MCM5: variants seen among roughly 807,000 people sequenced by gnomAD.
MCM5 encodes DNA replication licensing factor MCM5.
MCM5 carries 46 observed loss-of-function variants against 79.9 expected under a neutral mutation model. The observed-to-expected ratio is 0.58, with a 90% CI of 0.45 to 0.74. The LOEUF is 0.74. MCM5 is among the 30% of genes least tolerant of loss of function. The pLI, the probability that MCM5 is intolerant of heterozygous loss-of-function variation, is 0.00. For missense variants in MCM5, 883 were observed against 1,017.0 expected, an observed-to-expected ratio of 0.87 and a Z score of 1.79; for synonymous variants, 404 against 390.5, an observed-to-expected ratio of 1.03 and a Z score of -0.41.
At chr22:35,431,781 T>C in the MCM5 span, among the ~76,000 whole-genome samples, 2 of 152,036 alleles carry the variant, frequency 1.3e-5, no homozygotes, top group Non-Finnish European at 2.9e-5. Context: ...TCCTTTAGAG[T>C]TGAAGGGGCT....
chr22:35,444,278 G>C, the MCM5 span, among the ~76,000 whole-genome samples: 1 of 151,810 alleles, frequency 6.6e-6, no homozygotes, highest in South Asian at 2.1e-4. Flanking sequence ...GGTGGAGAGA[G>C]GGGGGCTTGA....
In MCM5 at chr22:35,420,094, G is replaced by A. The variant is rs1932657371; in HGVS notation, c.1832+82G>A. 1.0e-5 allele frequency: 15 copies of A among 1,492,430 alleles called. No individual in the cohort carries two copies. The South Asian group carries it at 2.0e-4, about 20-fold the overall frequency. 92.4% of individuals were successfully genotyped at this position (1,492,430 alleles called of 1,614,324 possible). ...GTGTGCTTGGCAACCAGGGGCAGTG[G>A]TCCAGGCTTTTCACTTGGCACAGGC... On this transcript the variant is annotated intron_variant, in intron 14 of 16. Transcript: ENST00000216122.
chr22:35,449,979 C>T, the MCM5 span, among the ~76,000 whole-genome samples: 3 of 152,068 alleles, frequency 2.0e-5, no homozygotes, highest in Non-Finnish European at 4.4e-5. Flanking sequence ...AGATGGGGTC[C>T]TGCTATGTTG....
intron 4 of MCM5, among the ~76,000 whole-genome samples, chr22:35,406,294 CCA>C: frequency 1.4e-5 from 1 of 69,110 alleles, no homozygotes; most frequent in Non-Finnish European, 3.0e-5. Context: ...TCTTGCCCTG[CCA>C]CCTCCCCCCC....
the MCM5 span, among the ~76,000 whole-genome samples, chr22:35,442,380 C>G: frequency 6.6e-6 from 1 of 151,858 alleles, no homozygotes; most frequent in Non-Finnish European, 1.5e-5. Flanking sequence ...ACATCACAAA[C>G]TCAGTGGCTT....
At chr22:35,415,055 T>C (rs1208502691) in intron 9 of MCM5, among the ~76,000 whole-genome samples, 1 of 152,080 alleles carries the variant, frequency 6.6e-6, no homozygotes, top group African/African-American at 2.4e-5. Context: ...TCAGATTGTC[T>C]AACAGCCACA....
the MCM5 span, among the ~76,000 whole-genome samples, chr22:35,452,395 C>T: frequency 1.3e-5 from 2 of 152,212 alleles, no homozygotes; most frequent in Admixed American, 6.5e-5. Context: ...GGCTCCACGC[C>T]ACAGGGACTC....
At chr22:35,421,495 C>T (rs746130631) in intron 15 of MCM5, 35 bp downstream of exon 15, 2 of 1,613,468 alleles carry the variant, frequency 1.2e-6, no homozygotes, top group Non-Finnish European at 1.7e-6. Context: ...CTCAATTGAT[C>T]TGGGTTCCCT....
intron 16 of MCM5, 127 bp downstream of exon 16, chr22:35,423,468 T>C: frequency 9.4e-7 from 1 of 1,067,052 alleles, no homozygotes; most frequent in Admixed American, 3.0e-5. Flanking sequence ...TGGACAACTG[T>C]CCCTTTCTCA....
chr22:35,448,938 G>A, the MCM5 span, among the ~76,000 whole-genome samples: 2 of 152,276 alleles, frequency 1.3e-5, no homozygotes, highest in East Asian at 3.9e-4. Context: ...GTAATGCCCA[G>A]CACTGGGACA....
intron 9 of MCM5, among the ~76,000 whole-genome samples, chr22:35,414,628 T>TAATA (rs1253430433): frequency 6.6e-6 from 1 of 150,882 alleles, no homozygotes. Flanking sequence ...CAAATAATAA[T>TAATA]AATAAATAAT....
the MCM5 span, among the ~76,000 whole-genome samples, chr22:35,445,692 G>T: frequency 5.3e-5 from 8 of 152,118 alleles, no homozygotes; most frequent in Admixed American, 3.9e-4. Context: ...TGTATTTTTA[G>T]TAGAGATAGG....
At chr22:35,412,750 G>A (rs1004911690) in intron 8 of MCM5, 69 bp downstream of exon 8, 3 of 1,280,454 alleles carry the variant, frequency 2.3e-6, no homozygotes, top group Non-Finnish European at 3.1e-6. Context: ...GATAATTACT[G>A]GATAATCAGG....
the MCM5 span, among the ~76,000 whole-genome samples, chr22:35,448,888 C>A: frequency 6.6e-6 from 1 of 152,094 alleles, no homozygotes; most frequent in Non-Finnish European, 1.5e-5. Flanking sequence ...CTTGTTTGTC[C>A]CATGGTGGTG....
chr22:35,412,460 G>T, intron 7 of MCM5, 50 bp from the exon 8 acceptor site: 1 of 1,414,690 alleles, frequency 7.1e-7, no homozygotes, highest in Non-Finnish European at 9.3e-7. Flanking sequence ...TGGGCAGTGG[G>T]CTGGAAGAGC....
At chr22:35,449,976 G>T in the MCM5 span, among the ~76,000 whole-genome samples, 16 of 152,010 alleles carry the variant, frequency 1.1e-4, no homozygotes, top group African/African-American at 3.1e-4. Flanking sequence ...TAAAGATGGG[G>T]TCCTGCTATG....
the MCM5 span, among the ~76,000 whole-genome samples, chr22:35,442,900 T>C: frequency 3.9e-5 from 6 of 152,218 alleles, no homozygotes; most frequent in East Asian, 1.9e-4. Context: ...CATGGAAACA[T>C]TGGAGATTGG....
In MCM5 at chr22:35,400,210, T is replaced by G; in HGVS notation, c.-9+2T>G. ...TTTGTGAAGTGCGGAAAACCAGAGG[T>G]GAGGCTAGTGGGAGTGGGACTGGGA... On this transcript the variant is annotated splice_donor_variant, in intron 1 of 16. Transcript: ENST00000216122. LOFTEE classifies it low-confidence loss of function (5UTR_SPLICE). 1 of 553,268 alleles carries G rather than the reference T, an allele frequency of 1.8e-6. No homozygotes were observed. The highest frequency in any genetic ancestry group is 3.3e-6 in the Non-Finnish European group (1 of 307,680). The allele number at this position is 553,268 out of a possible 1,614,324, so 34.3% of individuals were successfully genotyped here. A position where few individuals can be genotyped will look rare whatever the true frequency, so the allele number is the denominator to read the frequency against.
the MCM5 span, among the ~76,000 whole-genome samples, chr22:35,434,939 G>A: frequency 2.0e-3 from 299 of 152,206 alleles, 7 homozygotes; most frequent in South Asian, 0.06. Flanking sequence ...ATCACTTGAG[G>A]TCAGGAGTTC....
Sources: gnomAD v4.1 joint callset for allele counts (sites outside exome capture counted in the v4.1 genomes callset) on GRCh38, gnomAD v4.1.1 for gene constraint, MANE v1.5 for transcripts, NCBI Gene and HGNC (gene_info 2026-07-23, HGNC 2026-07-21) for gene names.